SNX4: variants seen among roughly 807,000 people sequenced by gnomAD.
The protein encoded by SNX4 is sorting nexin 4, also known as sorting nexin-4.
SNX4 carries 49 observed loss-of-function variants against 70.8 expected under a neutral mutation model. The ratio of observed to expected loss-of-function variants is 0.69; its 90% CI spans 0.55 to 0.88. The LOEUF (loss-of-function observed/expected upper bound fraction) is 0.88, where lower values mean the gene tolerates loss of function less well. Among genes scored for constraint, SNX4 ranks in the 40% least tolerant of loss-of-function variants. SNX4 has a pLI of 0.00. For synonymous variants in SNX4, 206 were observed against 183.8 expected, an observed-to-expected ratio of 1.12 and a Z score of -0.98; for missense variants, 528 against 544.8, an observed-to-expected ratio of 0.97 and a Z score of 0.31.
chr3:125,516,435 C>T (rs1935278864), intron 1 of SNX4, among the ~76,000 whole-genome samples: 1 of 152,170 alleles, frequency 6.6e-6, no homozygotes, highest in Non-Finnish European at 1.5e-5. Context: ...GAATCCTGAT[C>T]AGTGGTGTTA....
At chr3:125,456,075 C>T (rs1247543409) in intron 11 of SNX4, among the ~76,000 whole-genome samples, 2 of 152,184 alleles carry the variant, frequency 1.3e-5, no homozygotes, top group Non-Finnish European at 1.5e-5. Flanking sequence ...TGGTTTACTA[C>T]TTTCAGAATG....
intron 1 of SNX4, among the ~76,000 whole-genome samples, chr3:125,514,031 T>A (rs1003872228): frequency 6.4e-5 from 9 of 140,620 alleles, no homozygotes; most frequent in African/African-American, 1.8e-4. Context: ...AGGAGACTTC[T>A]GGATTTTTTT....
chr3:125,500,567 C>T (rs1221060054), intron 2 of SNX4, among the ~76,000 whole-genome samples: 1 of 151,624 alleles, frequency 6.6e-6, no homozygotes, highest in Non-Finnish European at 1.5e-5. Context: ...TTTGGGAGGC[C>T]GAGGAGGGTG....
intron 7 of SNX4, 83 bp downstream of exon 7, chr3:125,480,164 C>T: frequency 2.5e-6 from 2 of 785,650 alleles, no homozygotes; most frequent in Non-Finnish European, 4.0e-6. Flanking sequence ...TGGTAAATAC[C>T]ACCTACTACT....
rs531381160 is a variant in SNX4, at chr3:125,461,754, C to T, written c.855-894G>A. Among the ~76,000 whole-genome samples the T allele has an allele frequency of 1.3e-4, 20 of 152,006 alleles. No homozygotes were observed. The South Asian group carries it at 2.9e-3, about 22-fold the overall frequency. On this transcript the variant is annotated intron_variant, in intron 9 of 13. Transcript: ENST00000251775. ...TTGGCTCACTGCAAGCTCTGCCTCC[C>T]GGGTTCACGCCATTCTCCTGCCTCA...
intron 1 of SNX4, among the ~76,000 whole-genome samples, chr3:125,515,037 T>C (rs1935244506): frequency 6.6e-6 from 1 of 152,170 alleles, no homozygotes; most frequent in African/African-American, 2.4e-5. Flanking sequence ...TAAGTATTGT[T>C]TCCTGAAACA....
rs1376538041 is a variant in SNX4, at chr3:125,494,721, T to C, written c.597+2620A>G. ...AAACAATCCCATCAACTGAGTTACA[T>C]GCAGTCCGCTGACCACATACTGAAT... On this transcript the variant is annotated intron_variant, in intron 5 of 13. Coordinates refer to ENST00000251775, the MANE Select transcript of SNX4 (RefSeq NM_003794.4). Among the ~76,000 whole-genome samples, 3 of 152,324 alleles carry C rather than the reference T, an allele frequency of 2.0e-5. No homozygotes were observed. The East Asian group carries it at 5.8e-4, about 29-fold the overall frequency.
chr3:125,464,564 C>CTTTTTTT (rs778518316), intron 9 of SNX4, among the ~76,000 whole-genome samples: 8 of 67,056 alleles, frequency 1.2e-4, no homozygotes, highest in Admixed American at 2.1e-4. Flanking sequence ...ATTTATCTTT[C>CTTTTTTT]TTTTTTTTTT....
intron 4 of SNX4, 24 bp downstream of exon 4, chr3:125,497,810 T>A (rs980015131): frequency 2.7e-6 from 4 of 1,501,504 alleles, no homozygotes; most frequent in Non-Finnish European, 3.6e-6. Flanking sequence ...AATATTTTAC[T>A]AAGACTAAAT....
At chr3:125,478,233 C>G (rs924498671) in intron 7 of SNX4, among the ~76,000 whole-genome samples, 3 of 151,868 alleles carry the variant, frequency 2.0e-5, no homozygotes, top group Admixed American at 2.0e-4. Context: ...GCATGCACCA[C>G]CACGCCCAGC....
chr3:125,452,359 G>A (rs1933597164), intron 12 of SNX4, among the ~76,000 whole-genome samples: 1 of 152,152 alleles, frequency 6.6e-6, no homozygotes, highest in South Asian at 2.1e-4. Context: ...GCCTCCCAAA[G>A]TGCTAGGATT....
At chr3:125,479,490 G>C (rs529316114) in intron 7 of SNX4, among the ~76,000 whole-genome samples, 1 of 152,150 alleles carries the variant, frequency 6.6e-6, no homozygotes, top group South Asian at 2.1e-4. Flanking sequence ...GGGAGGTGGA[G>C]GTTGCAGTGA....
intron 1 of SNX4, among the ~76,000 whole-genome samples, chr3:125,506,631 G>C (rs1020922898): frequency 6.7e-6 from 1 of 150,324 alleles, no homozygotes; most frequent in Non-Finnish European, 1.5e-5. Context: ...TTAGCCTCCA[G>C]AGTAGCTGAG....
intron 6 of SNX4, among the ~76,000 whole-genome samples, chr3:125,481,767 G>T (rs1344857340): frequency 2.0e-5 from 3 of 152,128 alleles, no homozygotes; most frequent in East Asian, 3.8e-4. Flanking sequence ...ACTACTGATG[G>T]TCTCTCAGAG....
At chr3:125,497,260 A>C in intron 5 of SNX4, 81 bp downstream of exon 5, 2 of 774,300 alleles carry the variant, frequency 2.6e-6, no homozygotes, top group Middle Eastern at 2.3e-4. Context: ...TTATTCAATA[A>C]ATACCAAGTT....
At chr3:125,480,025 T>C (rs912006354) in intron 7 of SNX4, among the ~76,000 whole-genome samples, 1 of 152,106 alleles carries the variant, frequency 6.6e-6, no homozygotes, top group Admixed American at 6.5e-5. Flanking sequence ...AAAACAACTA[T>C]TCTATTACAA....
chr3:125,503,489 C>A (rs1036508072), intron 2 of SNX4, among the ~76,000 whole-genome samples: 2 of 152,072 alleles, frequency 1.3e-5, no homozygotes, highest in East Asian at 1.9e-4. Flanking sequence ...TTTTTACTCA[C>A]CAAGTTCTTT....
At chr3:125,471,268 C>T (rs1047436595) in intron 8 of SNX4, among the ~76,000 whole-genome samples, 1 of 138,278 alleles carries the variant, frequency 7.2e-6, no homozygotes, top group Non-Finnish European at 1.5e-5. Flanking sequence ...CGCTTGAACC[C>T]GGGAGGCAGA....
intron 2 of SNX4, among the ~76,000 whole-genome samples, chr3:125,499,040 T>G (rs1264247421): frequency 6.6e-6 from 1 of 152,026 alleles, no homozygotes; most frequent in African/African-American, 2.4e-5. Flanking sequence ...TCTGAAAGAG[T>G]GGCGAAGAGG....
Sources: allele counts gnomAD v4.1 joint callset (sites outside exome capture counted in the v4.1 genomes callset), GRCh38; gene constraint gnomAD v4.1.1; transcripts MANE v1.5; gene names NCBI Gene and HGNC (gene_info 2026-07-23, HGNC 2026-07-21).